Variants in ARMC2 observed in about 807,000 individuals in gnomAD.
ARMC2 encodes the protein armadillo repeat containing 2.
In ARMC2, 67 loss-of-function variants were observed where a neutral mutation model predicts 90.3. That is an observed-to-expected ratio of 0.74 (90% CI 0.61 to 0.91). ARMC2 has a LOEUF of 0.91. Ranked by LOEUF, ARMC2 falls within the 40% of genes least tolerant of loss-of-function variation. ARMC2 has a pLI of 0.00. For synonymous variants in ARMC2, 393 were observed against 393.0 expected, an observed-to-expected ratio of 1.00 and a Z score of 0.00; for missense variants, 920 against 1,030.9, an observed-to-expected ratio of 0.89 and a Z score of 1.47.
At chr6:108,891,397 A>T (rs1771010592) in intron 5 of ARMC2, among the ~76,000 whole-genome samples, 1 of 152,198 alleles carries the variant, frequency 6.6e-6, no homozygotes, top group African/African-American at 2.4e-5. Context: ...ATTTCTCCAC[A>T]TCCTCTCCAG....
intron 5 of ARMC2, among the ~76,000 whole-genome samples, chr6:108,879,038 TACTCATCC>T (rs112289829): frequency 0.015 from 2,267 of 148,216 alleles, 67 homozygotes; most frequent in African/African-American, 0.054. Context: ...TTCACCCATC[TACTCATCC>T]ACTCATCTGC....
the ARMC2 span, among the ~76,000 whole-genome samples, chr6:109,004,789 T>C: frequency 1.3e-5 from 2 of 152,088 alleles, no homozygotes; most frequent in Non-Finnish European, 2.9e-5. Flanking sequence ...ATACAAATGG[T>C]TGAAAAATGC....
chr6:108,915,208 G>A (rs1388215878), intron 10 of ARMC2, among the ~76,000 whole-genome samples: 1 of 151,956 alleles, frequency 6.6e-6, no homozygotes, highest in African/African-American at 2.4e-5. Context: ...TGCCCACCTC[G>A]GCCTCCCAAA....
the ARMC2 span, chr6:108,998,765 A>C: frequency 1.2e-6 from 1 of 863,542 alleles, no homozygotes; most frequent in Non-Finnish European, 1.6e-6. Context: ...CCTTAGGGGG[A>C]AAAAAAAAAA....
intron 2 of ARMC2, among the ~76,000 whole-genome samples, chr6:108,854,923 A>G (rs1204223269): frequency 6.6e-6 from 1 of 152,004 alleles, no homozygotes; most frequent in Non-Finnish European, 1.5e-5. Flanking sequence ...CCTAGCAACC[A>G]CTGATCTTTT....
intron 13 of ARMC2, 91 bp from the exon 14 acceptor site, chr6:108,961,481 G>A (rs56114088): frequency 0.024 from 33,556 of 1,396,696 alleles, 461 homozygotes; most frequent in Non-Finnish European, 0.028. Context: ...GATCGCAGCC[G>A]GCTCCTGGCC....
intron 11 of ARMC2, among the ~76,000 whole-genome samples, chr6:108,935,276 T>C (rs796209482): frequency 1.2e-4 from 18 of 152,328 alleles, no homozygotes; most frequent in African/African-American, 3.8e-4. Context: ...TCCTGTCTTA[T>C]TTCTTCTGCT....
chr6:108,889,345 C>T lies in ARMC2; in HGVS notation c.672-5122C>T, dbSNP rs914885641. On this transcript the variant is annotated intron_variant, in intron 5 of 17. Coordinates refer to ENST00000392644, the MANE Select transcript of ARMC2 (RefSeq NM_032131.6). The stretch of plus-strand genomic sequence containing the variant: ...ATTTTTAGTAGAGATGGAGTTTCAC[C>T]ATATTGGCCAGACTGGTCTCGAACT... Among the ~76,000 whole-genome samples the T allele has an allele frequency of 4.6e-5, 7 of 151,322 alleles. No homozygotes were observed. In the East Asian group the frequency reaches 1.4e-3, roughly 29 times the overall value.
Position 108,961,574 on chromosome 6 carries a change from T to C in ARMC2, c.1918T>C (p.Tyr640His), listed in dbSNP as rs1778002073. The change falls in exon 14 of 18, where the codon TAC becomes CAC. Residue 640 changes from tyrosine to histidine, a missense_variant and splice_region_variant. Physicochemically the swap from Tyr to His is moderately conservative, Grantham distance 83. Coordinates refer to ENST00000392644, the MANE Select transcript of ARMC2 (RefSeq NM_032131.6). ...CCCTTATCCTTACTTCATTTCAGAA[T>C]ACAAGTCACTTGATGATTGTGAGGA... ...IVGLLLTTLEYKSLDDCEELV... is the reference protein window; with the variant it reads ...IVGLLLTTLEHKSLDDCEELV... 6.2e-7 allele frequency: 1 copy of C among 1,606,548 alleles called. No individual in the cohort carries two copies. The highest frequency in any genetic ancestry group is 8.5e-7 in the Non-Finnish European group (1 of 1,176,692).
At chr6:108,971,795 C>A (rs1778781281) in intron 17 of ARMC2, among the ~76,000 whole-genome samples, 1 of 151,992 alleles carries the variant, frequency 6.6e-6, no homozygotes, top group Non-Finnish European at 1.5e-5. Flanking sequence ...GTGGCACATG[C>A]CTGTAATCCC....
the ARMC2 span, chr6:109,008,834 A>T: frequency 1.0e-6 from 1 of 985,508 alleles, no homozygotes; most frequent in African/African-American, 1.7e-5. Context: ...CTTGCAGGAC[A>T]CACTTATTCC....
At chr6:109,005,085 G>C in the ARMC2 span, among the ~76,000 whole-genome samples, 1 of 152,310 alleles carries the variant, frequency 6.6e-6, no homozygotes, top group African/African-American at 2.4e-5. Flanking sequence ...TTAACCTACA[G>C]ATGTGCTCAC....
intron 2 of ARMC2, among the ~76,000 whole-genome samples, chr6:108,857,026 G>C (rs1222584817): frequency 2.0e-5 from 3 of 151,844 alleles, no homozygotes; most frequent in South Asian, 2.1e-4. Flanking sequence ...TGTTCTTCTT[G>C]TTCAACATTG....
At chr6:108,948,250 T>C (rs555607959) in intron 12 of ARMC2, among the ~76,000 whole-genome samples, 3 of 152,058 alleles carry the variant, frequency 2.0e-5, no homozygotes, top group Non-Finnish European at 4.4e-5. Context: ...AGGCCACCCA[T>C]GGTGAGGAGA....
chr6:109,035,171 C>A, the ARMC2 span, among the ~76,000 whole-genome samples: 1 of 152,092 alleles, frequency 6.6e-6, no homozygotes, highest in Admixed American at 6.6e-5. Flanking sequence ...ACTCTAGGGT[C>A]CATTTTGCTT....
chr6:109,001,482 G>A, the ARMC2 span: 1 of 1,611,800 alleles, frequency 6.2e-7, no homozygotes, highest in Non-Finnish European at 8.5e-7. Context: ...CTCCCCACTT[G>A]GAGGATCTGT....
the ARMC2 span, among the ~76,000 whole-genome samples, chr6:109,046,768 G>T: frequency 5.8e-5 from 8 of 137,850 alleles, no homozygotes; most frequent in East Asian, 1.5e-3. Context: ...GCCTCTGCCC[G>T]GCCGAGACCC....
At chr6:108,916,160 A>G (rs941060723) in intron 10 of ARMC2, among the ~76,000 whole-genome samples, 11 of 152,186 alleles carry the variant, frequency 7.2e-5, no homozygotes, top group Non-Finnish European at 4.4e-5. Context: ...GGCTGTATGT[A>G]TTGATATATG....
intron 3 of ARMC2, among the ~76,000 whole-genome samples, chr6:108,861,316 G>A (rs1047960273): frequency 6.6e-6 from 1 of 152,226 alleles, no homozygotes; most frequent in Non-Finnish European, 1.5e-5. Flanking sequence ...GTGCTTGTAT[G>A]TATGTTTGTT....
Sources: allele counts gnomAD v4.1 joint callset (sites outside exome capture counted in the v4.1 genomes callset), GRCh38; gene constraint gnomAD v4.1.1; transcripts MANE v1.5; gene names NCBI Gene and HGNC (gene_info 2026-07-23, HGNC 2026-07-21).